The following MYO1F variants were observed in gnomAD, a reference collection of about 807,000 sequenced individuals.
MYO1F encodes myosin IF, also known as unconventional myosin-If.
MYO1F carries 60 observed loss-of-function variants against 146.6 expected under a neutral mutation model. The ratio of observed to expected loss-of-function variants is 0.41; its 90% CI spans 0.33 to 0.51. The LOEUF is 0.51. Ranked by LOEUF, MYO1F falls within the 20% of genes least tolerant of loss-of-function variation. The pLI, the probability that MYO1F is intolerant of heterozygous loss-of-function variation, is 0.25. For synonymous variants in MYO1F, 602 were observed against 602.1 expected, an observed-to-expected ratio of 1.00 and a Z score of 0.00; for missense variants, 1,274 against 1,534.3, an observed-to-expected ratio of 0.83 and a Z score of 2.83.
intron 8 of MYO1F, 186 bp downstream of exon 8, chr19:8,551,554 G>A (rs377700037): frequency 2.5e-5 from 19 of 756,444 alleles, no homozygotes; most frequent in East Asian, 8.3e-5. Flanking sequence ...GTTTAACCAC[G>A]TTGGCCAGGC....
At chr19:8,541,096 A>G (rs991402727) in intron 15 of MYO1F, among the ~76,000 whole-genome samples, 1 of 151,306 alleles carries the variant, frequency 6.6e-6, no homozygotes, top group African/African-American at 2.4e-5. Context: ...TGATCCTTCT[A>G]TCTCAGCCTC....
At chr19:8,565,609 C>T (rs1009861819) in intron 1 of MYO1F, among the ~76,000 whole-genome samples, 1 of 151,660 alleles carries the variant, frequency 6.6e-6, no homozygotes, top group African/African-American at 2.4e-5. Context: ...ATTCATGGGC[C>T]TAGTGGGGCA....
chr19:8,543,685 T>TGGA (rs1973095990), intron 14 of MYO1F, among the ~76,000 whole-genome samples: 1 of 48,682 alleles, frequency 2.1e-5, no homozygotes, highest in Non-Finnish European at 3.6e-5. Context: ...CTGGTGGTGG[T>TGGA]GGTGGTGGTG....
rs977760440 is a variant in MYO1F, at chr19:8,522,472, T to C, written c.3125A>G (p.His1042Arg). The stretch of plus-strand genomic sequence containing the variant: ...GTATAGGGCCCGGCACCTGGGACCA[T>C]GTGTCCGAGGCTGGGGCTTGGGTCG... Reference protein sequence around the residue: ...VGRPKPQPRTHGPRCRALYQY... With the variant: ...VGRPKPQPRTRGPRCRALYQY... Residue 1042 changes from histidine to arginine, a missense_variant, in exon 27 of 28, where the codon CAT becomes CGT. Physicochemically the swap from His to Arg is conservative, Grantham distance 29. This residue lies in a region of MYO1F where 374 missense variants were observed against 379.2 expected (regional missense o/e 0.99). Transcript: ENST00000644032. 2.5e-6 allele frequency: 4 copies of C among 1,613,920 alleles called. No homozygotes were observed. The highest frequency in any genetic ancestry group is 1.3e-5 in the African/African-American group (1 of 74,934).
intron 12 of MYO1F, among the ~76,000 whole-genome samples, chr19:8,547,294 C>T (rs1457975420): frequency 7.2e-5 from 7 of 97,302 alleles, no homozygotes; most frequent in African/African-American, 2.6e-4. Flanking sequence ...GAGCGAGTTC[C>T]TGTCTCAAAA....
intron 12 of MYO1F, 53 bp downstream of exon 12, chr19:8,547,983 T>TCCCCCCCCC: frequency 7.3e-7 from 1 of 1,371,034 alleles, no homozygotes. Context: ...TCATGGTCCT[T>TCCCCCCCCC]CCACCCCACC....
At chr19:8,532,288 G>A (rs868547392) in intron 19 of MYO1F, among the ~76,000 whole-genome samples, 12 of 152,184 alleles carry the variant, frequency 7.9e-5, no homozygotes, top group African/African-American at 2.9e-4. Flanking sequence ...GCAGAAAGCA[G>A]AGAAAAGGGT....
chr19:8,551,456 A>G (rs1236082250), intron 8 of MYO1F: 1 of 415,612 alleles, frequency 2.4e-6, no homozygotes, highest in East Asian at 5.4e-5. Context: ...TTTTCAAGCA[A>G]TTTTCCTGCC....
At chr19:8,558,511 G>T (rs992528041) in intron 1 of MYO1F, among the ~76,000 whole-genome samples, 1 of 151,990 alleles carries the variant, frequency 6.6e-6, no homozygotes, top group Admixed American at 6.6e-5. Flanking sequence ...TGAGGCACAT[G>T]CTCTCCAAAA....
rs1363766779 is a variant in MYO1F at position 8,555,767 on chromosome 19, G to T, written c.33C>A (p.Ser11Arg). 1 of 1,613,852 alleles carries T rather than the reference G, an allele frequency of 6.2e-7. No individual in the cohort carries two copies. The highest frequency in any genetic ancestry group is 8.5e-7 in the Non-Finnish European group (1 of 1,179,990). MGSKERFHWQ[S>R]HNVKQSGVDD... Reference sequence around the variant, plus strand: ...CCACGCCGCTCTGCTTCACGTTGTGGCTCTGCCAGTGGAAGCGCTCCTTGC... The same window carrying T: ...CCACGCCGCTCTGCTTCACGTTGTGTCTCTGCCAGTGGAAGCGCTCCTTGC... The change falls in exon 2 of 28, where the codon AGC becomes AGA. Residue 11 changes from serine to arginine, a missense_variant. By Grantham distance (110) the Ser-to-Arg change is moderately radical. Around this residue, in one of 2 missense-constraint regions of MYO1F, gnomAD observed 900 missense variants for 1,155.1 expected, o/e 0.78. Coordinates refer to ENST00000644032, the MANE Select transcript of MYO1F (RefSeq NM_012335.4).
chr19:8,551,789 GT>G lies in MYO1F; in HGVS notation c.721del (p.Thr241ProfsTer17). 1 of 1,614,158 alleles carries G rather than the reference GT, an allele frequency of 6.2e-7. No homozygotes were observed. The highest frequency in any genetic ancestry group is 8.5e-7 in the Non-Finnish European group (1 of 1,180,036). On this transcript the variant is annotated frameshift_variant, in exon 8 of 28. Transcript: ENST00000644032. LOFTEE classifies it high-confidence loss of function. ...DYYYYLNQSD[T>X]YQVDGTDDRS... ...GTCGTCCGTGCCGTCCACCTGGTAG[GT>G]GTCCGATTGGTTGAGGTAGTAATAG...
Position 8,577,253 on chromosome 19 carries a change from C to G in MYO1F, c.3+54G>C. The G allele has an allele frequency of 6.2e-7, 1 of 1,604,790 alleles. No homozygotes were observed. The highest frequency in any genetic ancestry group is 8.5e-7 in the Non-Finnish European group (1 of 1,173,264). On this transcript the variant is annotated intron_variant, in intron 1 of 27. Coordinates refer to ENST00000644032, the MANE Select transcript of MYO1F (RefSeq NM_012335.4). The surrounding 1 kb of genome is among the most constrained non-coding windows in gnomAD (Gnocchi z 4.3). ...ATGGTCATTTTTAGGACACCTCCAC[C>G]TGGCTGGTGTCCCTCCTCTTTCTTC...
At chr19:8,531,396 T>A (rs1218971716) in intron 19 of MYO1F, among the ~76,000 whole-genome samples, 2 of 152,188 alleles carry the variant, frequency 1.3e-5, no homozygotes, top group Non-Finnish European at 2.9e-5. Context: ...TCGCCCAGAC[T>A]GGAGTGTGGT....
intron 1 of MYO1F, among the ~76,000 whole-genome samples, chr19:8,574,581 C>CTT (rs2042178855): frequency 7.0e-3 from 676 of 96,596 alleles, no homozygotes; most frequent in Non-Finnish European, 8.7e-3. Context: ...CTTTCTTTCT[C>CTT]TCTCTCTCTC....
intron 15 of MYO1F, among the ~76,000 whole-genome samples, chr19:8,541,427 T>TGTG (rs1972963886): frequency 5.6e-5 from 4 of 71,360 alleles, no homozygotes; most frequent in Non-Finnish European, 1.1e-4. Context: ...GTGTGTGTGT[T>TGTG]TTTTTTTTTT....
At chr19:8,555,505 C>G in intron 2 of MYO1F, 154 bp downstream of exon 2, 1 of 1,041,708 alleles carries the variant, frequency 9.6e-7, no homozygotes, top group Non-Finnish European at 1.4e-6. Context: ...CTGCCCCCAA[C>G]CAGAGCCCTG....
In MYO1F at chr19:8,541,428, T is replaced by G. The variant is rs1230195269; in HGVS notation, c.1610+478A>C. Among the ~76,000 whole-genome samples the G allele has an allele frequency of 7.4e-3, 842 of 113,804 alleles. 2 individuals are homozygous for G. The highest frequency in any genetic ancestry group is 0.024 in the East Asian group (89 of 3,728). 74.7% of individuals were successfully genotyped at this position (113,804 alleles called of 152,430 possible). ...TTGTGTGTGTGTGTGTGTGTGTGTTTTTTTTTTTTTTTTTTTTTGAGACAG... is the reference window on the plus strand; with the variant it reads ...TTGTGTGTGTGTGTGTGTGTGTGTTGTTTTTTTTTTTTTTTTTTGAGACAG... On this transcript the variant is annotated intron_variant, in intron 15 of 27. Transcript: ENST00000644032.
intron 23 of MYO1F, 87 bp from the exon 24 acceptor site, chr19:8,526,688 C>CGGCCGG: frequency 6.5e-7 from 1 of 1,532,792 alleles, no homozygotes; most frequent in South Asian, 1.2e-5. Context: ...GGCGGGGCCG[C>CGGCCGG]GGCCGGGGCC....
In MYO1F at chr19:8,521,216, C is replaced by T. The variant is rs769420539; in HGVS notation, c.*312G>A. On this transcript the variant is annotated 3_prime_UTR_variant, in exon 28 of 28. Coordinates refer to ENST00000644032, the MANE Select transcript of MYO1F (RefSeq NM_012335.4). ...ACTGTGCCTGGCACTTTGCCAACAGCACAGGACTCAAGACCCATTTCTTAA... is the reference window on the plus strand; with the variant it reads ...ACTGTGCCTGGCACTTTGCCAACAGTACAGGACTCAAGACCCATTTCTTAA... 5.9e-5 allele frequency: 26 copies of T among 438,694 alleles called. No individual in the cohort carries two copies. The highest frequency in any genetic ancestry group is 6.8e-4 in the Middle Eastern group (1 of 1,476). 27.2% of individuals were successfully genotyped at this position (438,694 alleles called of 1,614,324 possible).
Sources: gnomAD v4.1 joint callset for allele counts (sites outside exome capture counted in the v4.1 genomes callset) on GRCh38, gnomAD v4.1.1 for gene constraint, gnomAD v4.1.1 regional missense constraint, Gnocchi (gnomAD v3.1) non-coding constraint, MANE v1.5 for transcripts, NCBI Gene and HGNC (gene_info 2026-07-23, HGNC 2026-07-21) for gene names.